The following GULP1 variants were observed in gnomAD, a reference collection of about 807,000 sequenced individuals.
GULP1 encodes GULP PTB domain containing engulfment adaptor 1.
Under a neutral mutation model 40.9 loss-of-function variants are expected in GULP1, and 19 were observed. The ratio of observed to expected loss-of-function variants is 0.46; its 90% confidence interval spans 0.32 to 0.68. GULP1 has a LOEUF of 0.68. Ranked by LOEUF, GULP1 falls within the 30% of genes least tolerant of loss-of-function variation. The pLI, the probability that GULP1 is intolerant of heterozygous loss-of-function variation, is 0.03. For missense variants in GULP1, 312 were observed against 362.2 expected (o/e 0.86, Z 1.12); for synonymous variants, 119 against 117.6 (o/e 1.01, Z -0.08).
intron 1 of GULP1, among the ~76,000 whole-genome samples, chr2:188,313,081 C>G (rs2038455076): frequency 6.6e-6 from 1 of 152,120 alleles, no homozygotes; most frequent in East Asian, 1.9e-4. Context: ...CCTGTTCACG[C>G]TGATGATAGT....
chr2:188,547,238 C>T (rs552463404), intron 7 of GULP1, among the ~76,000 whole-genome samples: 1 of 134,926 alleles, frequency 7.4e-6, no homozygotes, highest in Admixed American at 7.4e-5. Flanking sequence ...CAGACTTAGA[C>T]AATGAAAAAA....
intron 1 of GULP1, chr2:188,294,031 G>A (rs2034387203): frequency 6.6e-6 from 1 of 152,260 alleles, no homozygotes; most frequent in African/African-American, 2.4e-5. Flanking sequence ...GGCTCCAGGA[G>A]CAAAGTCTGA....
chr2:188,354,156 C>T (rs1394647483), intron 1 of GULP1, among the ~76,000 whole-genome samples: 1 of 152,092 alleles, frequency 6.6e-6, no homozygotes, highest in East Asian at 1.9e-4. Flanking sequence ...AGGGTCATTG[C>T]TGCCACTACA....
At chr2:188,379,571 T>G (rs1163023737) in intron 1 of GULP1, among the ~76,000 whole-genome samples, 1 of 152,186 alleles carries the variant, frequency 6.6e-6, no homozygotes, top group Non-Finnish European at 1.5e-5. Flanking sequence ...TCATGTCTCT[T>G]CAGAGCCGCC....
At chr2:188,588,164 T>A (rs1312752022) in intron 11 of GULP1, 2 of 556,898 alleles carry the variant, frequency 3.6e-6, no homozygotes, top group Non-Finnish European at 6.6e-6. Flanking sequence ...ATGGTTCAAT[T>A]TATAATGTCA....
intron 2 of GULP1, among the ~76,000 whole-genome samples, chr2:188,417,186 TTCC>T (rs1405357415): frequency 1.2e-4 from 18 of 152,336 alleles, no homozygotes; most frequent in African/African-American, 4.3e-4. Flanking sequence ...TGACAGGAAG[TTCC>T]TTTTCCCATT....
intron 6 of GULP1, among the ~76,000 whole-genome samples, chr2:188,533,666 A>T (rs1390044933): frequency 1.3e-5 from 2 of 152,184 alleles, no homozygotes; most frequent in Non-Finnish European, 2.9e-5. Context: ...TGCACAGCAA[A>T]AGAAACTATG....
intron 2 of GULP1, among the ~76,000 whole-genome samples, chr2:188,418,357 C>T (rs1407574650): frequency 2.6e-5 from 4 of 152,066 alleles, no homozygotes; most frequent in African/African-American, 9.7e-5. Context: ...TTAGGCCTGG[C>T]ACAGTGGCTC....
intron 1 of GULP1, among the ~76,000 whole-genome samples, chr2:188,371,005 T>A (rs1300852705): frequency 6.6e-6 from 1 of 152,184 alleles, no homozygotes; most frequent in Non-Finnish European, 1.5e-5. Context: ...GAGCATTTAC[T>A]ATTTCCCAGG....
chr2:188,537,618 A>G (rs1408852511), intron 6 of GULP1, among the ~76,000 whole-genome samples: 1 of 151,980 alleles, frequency 6.6e-6, no homozygotes, highest in Admixed American at 6.6e-5. Context: ...GCATCTATGT[A>G]CATCTGGAAT....
At chr2:188,415,852 C>T (rs191902597) in intron 2 of GULP1, among the ~76,000 whole-genome samples, 1 of 152,046 alleles carries the variant, frequency 6.6e-6, no homozygotes, top group Non-Finnish European at 1.5e-5. Flanking sequence ...GGATTGAGTC[C>T]GATCATTCCC....
intron 1 of GULP1, among the ~76,000 whole-genome samples, chr2:188,300,662 A>C (rs1266747611): frequency 1.3e-5 from 2 of 152,298 alleles, no homozygotes; most frequent in Non-Finnish European, 1.5e-5. Context: ...TTTTAAAATT[A>C]GTTTATTATT....
At chr2:188,375,960 T>C (rs1337453204) in intron 1 of GULP1, among the ~76,000 whole-genome samples, 2 of 152,148 alleles carry the variant, frequency 1.3e-5, no homozygotes, top group Non-Finnish European at 2.9e-5. Context: ...GCAGTAGCCA[T>C]GCGGAACCCG....
intron 10 of GULP1, among the ~76,000 whole-genome samples, chr2:188,586,327 G>A (rs1188154535): frequency 3.3e-5 from 5 of 152,016 alleles, no homozygotes; most frequent in African/African-American, 4.8e-5. Context: ...CTTTTACAAC[G>A]GGACATGTTT....
chr2:188,477,400 A>G (rs1305618349), intron 2 of GULP1, among the ~76,000 whole-genome samples: 1 of 152,124 alleles, frequency 6.6e-6, no homozygotes, highest in Non-Finnish European at 1.5e-5. Flanking sequence ...AATATAGTTA[A>G]TGATGGATAT....
chr2:188,469,957 G>T (rs1043451688), intron 2 of GULP1, among the ~76,000 whole-genome samples: 1 of 152,064 alleles, frequency 6.6e-6, no homozygotes, highest in Non-Finnish European at 1.5e-5. Flanking sequence ...AATGCAGTTC[G>T]CTAGTACTGT....
chr2:188,347,179 T>C (rs2043796211), intron 1 of GULP1, among the ~76,000 whole-genome samples: 1 of 152,124 alleles, frequency 6.6e-6, no homozygotes, highest in South Asian at 2.1e-4. Flanking sequence ...GCACCAGGCA[T>C]AGTGTTAAGA....
At chr2:188,426,936 T>G (rs906913068) in intron 2 of GULP1, among the ~76,000 whole-genome samples, 3 of 152,186 alleles carry the variant, frequency 2.0e-5, no homozygotes, top group African/African-American at 4.8e-5. Context: ...GACAGTGATA[T>G]GAACAGTGAA....
At chr2:188,328,532 A>C (rs1431905403) in intron 1 of GULP1, among the ~76,000 whole-genome samples, 1 of 152,170 alleles carries the variant, frequency 6.6e-6, no homozygotes, top group Non-Finnish European at 1.5e-5. Flanking sequence ...CTTGCTAATT[A>C]ATTATCCTTC....
Sources: allele counts gnomAD v4.1 joint callset (sites outside exome capture counted in the v4.1 genomes callset), GRCh38; gene constraint gnomAD v4.1.1; transcripts MANE v1.5; gene names NCBI Gene and HGNC (gene_info 2026-07-23, HGNC 2026-07-21).